The following CWC27 variants were observed in gnomAD, a reference collection of about 807,000 sequenced individuals.
The protein encoded by CWC27 is spliceosome-associated protein CWC27 homolog.
In CWC27, 47 loss-of-function variants were observed where a neutral mutation model predicts 63.6. The observed-to-expected ratio is 0.74, with a 90% CI of 0.58 to 0.94. The LOEUF is 0.94. CWC27 is among the 40% of genes least tolerant of loss of function. The probability of loss-of-function intolerance (pLI) is 0.00; values close to 1 mark genes in which losing one functional copy is unlikely to be tolerated. For synonymous variants in CWC27, 175 were observed against 179.8 expected (o/e 0.97, Z 0.22); for missense variants, 495 against 554.3 (o/e 0.89, Z 1.07).
chr5:64,854,560 TA>T (rs1295558118), intron 10 of CWC27, among the ~76,000 whole-genome samples: 1 of 152,246 alleles, frequency 6.6e-6, no homozygotes, highest in Non-Finnish European at 1.5e-5. Context: ...AGCTACTGAA[TA>T]AAAGCTTATG....
At chr5:64,831,276 T>C (rs1357828212) in intron 10 of CWC27, among the ~76,000 whole-genome samples, 2 of 152,024 alleles carry the variant, frequency 1.3e-5, no homozygotes, top group Non-Finnish European at 2.9e-5. Context: ...GTTTGCTGGT[T>C]AGTACATTTT....
intron 11 of CWC27, among the ~76,000 whole-genome samples, chr5:64,891,211 CTAAT>C (rs1334886183): frequency 2.6e-5 from 4 of 152,060 alleles, no homozygotes; most frequent in Non-Finnish European, 5.9e-5. Flanking sequence ...TGATTCCAAC[CTAAT>C]TAGTTAAAAA....
chr5:64,990,772 A>G (rs984323612), intron 13 of CWC27, among the ~76,000 whole-genome samples: 8 of 152,352 alleles, frequency 5.3e-5, no homozygotes, highest in African/African-American at 1.9e-4. Flanking sequence ...TCATTTAAAC[A>G]TGTAGAGCCC....
chr5:64,871,994 A>G (rs1561441783), intron 10 of CWC27, among the ~76,000 whole-genome samples: 1 of 152,194 alleles, frequency 6.6e-6, no homozygotes, highest in African/African-American at 2.4e-5. Context: ...TCATAACAAT[A>G]GTATCATCAT....
At chr5:64,773,013 T>C (rs1031202936) in intron 1 of CWC27, among the ~76,000 whole-genome samples, 40 of 151,838 alleles carry the variant, frequency 2.6e-4, no homozygotes, top group African/African-American at 8.2e-4. Flanking sequence ...TTATAGACCA[T>C]AGTATTTAGA....
At chr5:64,830,861 A>G (rs1020201066) in intron 10 of CWC27, among the ~76,000 whole-genome samples, 15 of 152,130 alleles carry the variant, frequency 9.9e-5, no homozygotes, top group African/African-American at 3.6e-4. Flanking sequence ...TCCATGTTGT[A>G]TATGTGCCAC....
intron 10 of CWC27, among the ~76,000 whole-genome samples, chr5:64,878,051 T>C (rs1307397698): frequency 1.3e-5 from 2 of 151,950 alleles, no homozygotes; most frequent in Non-Finnish European, 2.9e-5. Flanking sequence ...CACTTATAAT[T>C]TTGATTATGC....
chr5:64,785,813 A>C (rs531613838), intron 5 of CWC27, among the ~76,000 whole-genome samples: 2 of 152,232 alleles, frequency 1.3e-5, no homozygotes, highest in East Asian at 3.9e-4. Context: ...CTTACCTCAT[A>C]ATGGAAAGTT....
intron 13 of CWC27, among the ~76,000 whole-genome samples, chr5:65,008,549 C>G (rs187883391): frequency 1.7e-3 from 266 of 152,096 alleles, no homozygotes; most frequent in African/African-American, 6.1e-3. Context: ...TAAAGATTAA[C>G]AAATGAAAAA....
At position 64,804,448 on chromosome 5, in the gene CWC27, G is replaced by C. The variant is rs1744593598; in HGVS notation, c.938+62G>C. 4 of 1,414,502 alleles carry C rather than the reference G, an allele frequency of 2.8e-6. No homozygotes were observed. The African/African-American group carries it at 5.8e-5, about 20-fold the overall frequency. 87.6% of individuals were successfully genotyped at this position (1,414,502 alleles called of 1,614,324 possible). On this transcript the variant is annotated intron_variant, in intron 10 of 13. Transcript: ENST00000381070. ...TCTTTTTATATTTCACTTTAATTCA[G>C]ATTGAATCCTCTCTTCAGCTAATTT...
chr5:64,938,224 T>C lies in CWC27; in HGVS notation c.1043-33479T>C, dbSNP rs1425201698. 2.0e-5 allele frequency among the ~76,000 whole-genome samples: 3 copies of C among 152,174 alleles called. No homozygotes were observed. In the East Asian group the frequency reaches 5.8e-4, roughly 29 times the overall value. ...TCGATGGTCTTTATAATTTGGCATG[T>C]TTTTGCAGTGGCTGATACCGGTTTT... On this transcript the variant is annotated intron_variant, in intron 11 of 13. Transcript: ENST00000381070.
At chr5:64,965,692 A>C (rs1350656045) in intron 11 of CWC27, among the ~76,000 whole-genome samples, 1 of 152,124 alleles carries the variant, frequency 6.6e-6, no homozygotes, top group Non-Finnish European at 1.5e-5. Context: ...TTTGCAATCG[A>C]TTTTTTACTT....
intron 11 of CWC27, among the ~76,000 whole-genome samples, chr5:64,888,529 T>TA (rs979268336): frequency 7.4e-5 from 9 of 122,408 alleles, no homozygotes; most frequent in African/African-American, 2.7e-4. Context: ...TTTATTATTA[T>TA]AACATACATG....
At chr5:64,800,405 C>A in intron 8 of CWC27, 78 bp downstream of exon 8, 2 of 1,060,984 alleles carry the variant, frequency 1.9e-6, no homozygotes, top group Non-Finnish European at 2.8e-6. Context: ...TGTGAGTAAA[C>A]AGTCAGTCCT....
intron 6 of CWC27, among the ~76,000 whole-genome samples, chr5:64,788,183 T>C (rs1478107979): frequency 6.6e-6 from 1 of 152,144 alleles, no homozygotes; most frequent in Admixed American, 6.6e-5. Context: ...ACTGTATTCA[T>C]ATGCAGTGCG....
At chr5:64,770,985 C>T (rs963168377) in intron 1 of CWC27, among the ~76,000 whole-genome samples, 1 of 152,140 alleles carries the variant, frequency 6.6e-6, no homozygotes, top group African/African-American at 2.4e-5. Context: ...GGAAAGAAAA[C>T]ACAGCATTGA....
At chr5:64,916,826 C>T (rs1321356147) in intron 11 of CWC27, among the ~76,000 whole-genome samples, 2 of 152,018 alleles carry the variant, frequency 1.3e-5, no homozygotes, top group Middle Eastern at 3.4e-3. Context: ...TGCGAGGTTA[C>T]AGTATGTAAA....
chr5:64,826,118 TCC>T (rs1246899343), intron 10 of CWC27, among the ~76,000 whole-genome samples: 2 of 152,068 alleles, frequency 1.3e-5, no homozygotes, highest in African/African-American at 4.8e-5. Flanking sequence ...TATCTATCCA[TCC>T]ATCAATTATC....
At chr5:64,895,127 T>C (rs1487071734) in intron 11 of CWC27, among the ~76,000 whole-genome samples, 1 of 152,184 alleles carries the variant, frequency 6.6e-6, no homozygotes, top group Non-Finnish European at 1.5e-5. Flanking sequence ...CTCCAAATCT[T>C]CCAGCCAAGA....
Sources: allele counts gnomAD v4.1 joint callset (sites outside exome capture counted in the v4.1 genomes callset), GRCh38; gene constraint gnomAD v4.1.1; transcripts MANE v1.5; gene names NCBI Gene and HGNC (gene_info 2026-07-23, HGNC 2026-07-21).